SYBU: variants seen among roughly 807,000 people sequenced by gnomAD.
SYBU encodes syntabulin.
Under a neutral mutation model 35.9 loss-of-function variants are expected in SYBU, and 21 were observed. That is an observed-to-expected ratio of 0.58 (90% CI 0.41 to 0.84). The LOEUF (loss-of-function observed/expected upper bound fraction) is 0.84. Among genes scored for constraint, SYBU ranks in the 40% least tolerant of loss-of-function variants. The pLI, the probability that SYBU is intolerant of heterozygous loss-of-function variation, is 0.00. For synonymous variants in SYBU, 319 were observed against 324.3 expected (o/e 0.98, Z 0.18); for missense variants, 768 against 848.2 (o/e 0.91, Z 1.17).
At chr8:109,594,959 A>G (rs1381077304) in intron 3 of SYBU, among the ~76,000 whole-genome samples, 1 of 152,118 alleles carries the variant, frequency 6.6e-6, no homozygotes, top group African/African-American at 2.4e-5. Context: ...TCTGAGCTTC[A>G]TTTTTTTCTA....
chr8:109,601,494 A>C (rs1825513088), intron 3 of SYBU, among the ~76,000 whole-genome samples: 1 of 152,178 alleles, frequency 6.6e-6, no homozygotes, highest in Non-Finnish European at 1.5e-5. Context: ...GAGTTAGACT[A>C]TACAGACAAA....
At position 109,584,097 on chromosome 8, in the gene SYBU, G is replaced by A. The variant is rs1823353324; in HGVS notation, c.530+1963C>T. On this transcript the variant is annotated intron_variant, in intron 4 of 6. Coordinates refer to ENST00000276646, the MANE Select transcript of SYBU (RefSeq NM_001099754.2). The surrounding 1 kb of genome is among the most constrained non-coding windows in gnomAD (Gnocchi z 4.0). The stretch of plus-strand genomic sequence containing the variant: ...CCTCCTAAAAGTGCTGGGATTATAG[G>A]CATGAGCCACTGTGCATGGCTGAGA... Among the ~76,000 whole-genome samples, 1 of 152,036 alleles carries A rather than the reference G, an allele frequency of 6.6e-6. No individual in the cohort carries two copies. Among genetic ancestry groups the A allele is most frequent in the Non-Finnish European group, 1.5e-5 (1 of 67,998 alleles).
chr8:109,687,970 T>G (rs2130791671), intron 1 of SYBU, among the ~76,000 whole-genome samples: 1 of 152,308 alleles, frequency 6.6e-6, no homozygotes, highest in Admixed American at 6.5e-5. Flanking sequence ...AGAGGTACAT[T>G]TTTAATTTAA....
intron 4 of SYBU, among the ~76,000 whole-genome samples, chr8:109,582,587 T>G (rs1485474140): frequency 1.3e-5 from 2 of 152,154 alleles, no homozygotes; most frequent in Non-Finnish European, 1.5e-5. Context: ...AGATGACACC[T>G]CATGAGTGAC....
chr8:109,595,063 C>T (rs1369633063), intron 3 of SYBU, among the ~76,000 whole-genome samples: 1 of 151,834 alleles, frequency 6.6e-6, no homozygotes, highest in Non-Finnish European at 1.5e-5. Flanking sequence ...AGTGCTGGCA[C>T]TCAGTAAGCA....
intron 2 of SYBU, among the ~76,000 whole-genome samples, chr8:109,626,503 A>C (rs1812997759): frequency 2.0e-5 from 3 of 152,234 alleles, no homozygotes; most frequent in Admixed American, 2.0e-4. Context: ...TGAAAGCAAT[A>C]AATACTTTTT....
chr8:109,597,977 TGA>T (rs1388438507), intron 3 of SYBU, among the ~76,000 whole-genome samples: 6 of 152,206 alleles, frequency 3.9e-5, no homozygotes, highest in Non-Finnish European at 5.9e-5. Flanking sequence ...AGCCACTCTT[TGA>T]GAGTCACTGT....
intron 3 of SYBU, among the ~76,000 whole-genome samples, chr8:109,603,187 A>G (rs1194212943): frequency 2.0e-5 from 3 of 152,260 alleles, no homozygotes; most frequent in Non-Finnish European, 2.9e-5. Flanking sequence ...CTCTGTCTCC[A>G]GCAGCAAGCA....
intron 3 of SYBU, among the ~76,000 whole-genome samples, chr8:109,591,931 T>G (rs983118046): frequency 6.6e-6 from 1 of 152,142 alleles, no homozygotes; most frequent in African/African-American, 2.4e-5. Context: ...CTCTACTTGC[T>G]CTCTGTGGTG....
intron 4 of SYBU, chr8:109,585,708 T>C: frequency 5.1e-6 from 1 of 197,786 alleles, no homozygotes; most frequent in East Asian, 1.3e-4. Flanking sequence ...GCTAAGAGAC[T>C]CATAGCTTCA....
At chr8:109,671,386 T>G (rs542555256) in intron 1 of SYBU, among the ~76,000 whole-genome samples, 1 of 152,300 alleles carries the variant, frequency 6.6e-6, no homozygotes, top group Admixed American at 6.5e-5. Context: ...AGATGTGTCC[T>G]CTGAGAAGTA....
At chr8:109,675,576 A>G (rs1453596367) in intron 1 of SYBU, among the ~76,000 whole-genome samples, 1 of 152,206 alleles carries the variant, frequency 6.6e-6, no homozygotes, top group Non-Finnish European at 1.5e-5. Context: ...CACCCTCCCA[A>G]GACTAAGCCA....
intron 2 of SYBU, among the ~76,000 whole-genome samples, chr8:109,642,486 T>C (rs1482702609): frequency 1.3e-5 from 2 of 152,224 alleles, no homozygotes; most frequent in Non-Finnish European, 2.9e-5. Context: ...AGTTAGATTT[T>C]ACATTCGAAA....
At chr8:109,646,240 C>T (rs1447458570), upstream of SYBU, 1 of 152,146 alleles carries the variant, frequency 6.6e-6, no homozygotes. Flanking sequence ...CACTCTGATC[C>T]TTATGCACCA....
intron 1 of SYBU, among the ~76,000 whole-genome samples, chr8:109,678,955 G>A (rs992220297): frequency 6.6e-6 from 1 of 152,134 alleles, no homozygotes; most frequent in Non-Finnish European, 1.5e-5. Flanking sequence ...ATTCCCAGGA[G>A]GTTAGACATT....
intron 1 of SYBU, among the ~76,000 whole-genome samples, chr8:109,678,623 T>C (rs1195225720): frequency 6.6e-6 from 1 of 151,880 alleles, no homozygotes; most frequent in Admixed American, 6.6e-5. Context: ...GTATTTTTAG[T>C]AGAGACAGGG....
intron 3 of SYBU, among the ~76,000 whole-genome samples, chr8:109,610,639 C>A (rs1046657306): frequency 2.6e-5 from 4 of 152,218 alleles, no homozygotes; most frequent in African/African-American, 9.6e-5. Context: ...ATTAACCCAT[C>A]GAATTGCCCA....
intron 2 of SYBU, among the ~76,000 whole-genome samples, chr8:109,642,190 A>G (rs986451250): frequency 2.0e-5 from 3 of 152,196 alleles, no homozygotes; most frequent in Admixed American, 2.0e-4. Flanking sequence ...CATTCTCAGC[A>G]AACTAAACAG....
chr8:109,682,396 T>C (rs986564650), upstream of SYBU, among the ~76,000 whole-genome samples: 3 of 152,120 alleles, frequency 2.0e-5, no homozygotes, highest in African/African-American at 7.2e-5. Flanking sequence ...GCTGAGGTGG[T>C]TTCAGATGGA....
Sources: allele counts gnomAD v4.1 joint callset (sites outside exome capture counted in the v4.1 genomes callset), GRCh38; gene constraint gnomAD v4.1.1; non-coding constraint Gnocchi (gnomAD v3.1); transcripts MANE v1.5; gene names NCBI Gene and HGNC (gene_info 2026-07-23, HGNC 2026-07-21).